LEPROTL1: variants seen among roughly 807,000 people sequenced by gnomAD.
LEPROTL1 encodes the protein leptin receptor overlapping transcript like 1.
A neutral mutation model predicts 15.4 loss-of-function variants in LEPROTL1; 6 were observed. That is an observed-to-expected ratio of 0.39 (90% CI 0.21 to 0.77). The LOEUF is 0.77. Among genes scored for constraint, LEPROTL1 ranks in the 30% least tolerant of loss-of-function variants. LEPROTL1 has a pLI of 0.41. For synonymous variants in LEPROTL1, 56 were observed against 52.6 expected (o/e 1.06, Z -0.28); for missense variants, 128 against 158.1 (o/e 0.81, Z 1.02).
chr8:30,138,318 A>G, downstream of LEPROTL1: 1 of 480,280 alleles, frequency 2.1e-6, no homozygotes, highest in Non-Finnish European at 3.8e-6. Context: ...TTACACTAAC[A>G]TTCACAACAA....
intron 3 of LEPROTL1, among the ~76,000 whole-genome samples, chr8:30,131,278 G>GTA (rs376348977): frequency 0.18 from 16,817 of 94,710 alleles, 1,014 homozygotes; most frequent in South Asian, 0.27. Context: ...ATATGTGTGT[G>GTA]TATATATATA....
chr8:30,135,683 G>A (rs13269187), intron 4 of LEPROTL1, among the ~76,000 whole-genome samples: 116,630 of 151,992 alleles, frequency 0.77, 47,202 homozygotes, highest in Middle Eastern at 0.91. Flanking sequence ...CTGAGGTGAG[G>A]TGGGCTGATC....
rs1803113408 is a variant in LEPROTL1, at chr8:30,135,153, A to G, written c.395-2119A>G. The stretch of plus-strand genomic sequence containing the variant: ...GTGATCCACCCACCTCAGCCTCCCA[A>G]AGGGCTGGGATTATAGGCGTGAGCC... On this transcript the variant is annotated intron_variant, in intron 4 of 4. Transcript: ENST00000442880. 2.0e-5 allele frequency among the ~76,000 whole-genome samples: 3 copies of G among 151,838 alleles called. No homozygotes were observed. The South Asian group carries it at 6.2e-4, about 31-fold the overall frequency.
chr8:30,105,785 A>G lies in LEPROTL1; in HGVS notation c.319A>G (p.Thr107Ala), dbSNP rs1802555142. 4 of 1,590,674 alleles carry G rather than the reference A, an allele frequency of 2.5e-6. No homozygotes were observed. Among genetic ancestry groups the G allele is most frequent in the Non-Finnish European group, 2.6e-6 (3 of 1,167,476 alleles). The change falls in exon 4 of 4, where the codon ACA becomes GCA. Residue 107 changes from threonine (T) to alanine (A), a missense_variant. By Grantham distance (58) the Thr-to-Ala change is moderately conservative (BLOSUM62 0). Transcript: ENST00000321250. ...TTGTGCACTTGTTCTCACAGGAAAC[A>G]CAGTCATCTTTGCAACTATACTAGG... Reference protein sequence around the residue: ...GACALVLTGNTVIFATILGFF... With the variant: ...GACALVLTGNAVIFATILGFF...
intron 3 of LEPROTL1, among the ~76,000 whole-genome samples, chr8:30,117,170 A>C (rs1802754984): frequency 6.6e-6 from 1 of 152,180 alleles, no homozygotes; most frequent in East Asian, 1.9e-4. Context: ...TCATCGCTTT[A>C]CTAATTATGG....
chr8:30,109,006 C>T (rs1802615099), downstream of LEPROTL1, among the ~76,000 whole-genome samples: 1 of 152,006 alleles, frequency 6.6e-6, no homozygotes, highest in Non-Finnish European at 1.5e-5. Flanking sequence ...CTCAAGCCAT[C>T]ACCACCACAA....
At chr8:30,098,024 C>T (rs1162265753) in intron 1 of LEPROTL1, among the ~76,000 whole-genome samples, 4 of 151,994 alleles carry the variant, frequency 2.6e-5, no homozygotes, top group Non-Finnish European at 5.9e-5. Flanking sequence ...TTCAGAGGCC[C>T]TCATGGTCCT....
intron 3 of LEPROTL1, among the ~76,000 whole-genome samples, chr8:30,115,711 C>T (rs1374301904): frequency 1.3e-5 from 2 of 151,758 alleles, no homozygotes; most frequent in African/African-American, 4.8e-5. Context: ...CTGTAAGTGG[C>T]AAATAAAGAA....
chr8:30,127,174 T>G (rs1563219015), intron 3 of LEPROTL1, among the ~76,000 whole-genome samples: 1 of 152,254 alleles, frequency 6.6e-6, no homozygotes, highest in Non-Finnish European at 1.5e-5. Context: ...GAAAGGCTAA[T>G]GCTATAGCTT....
At chr8:30,123,350 A>G (rs1345288740) in intron 3 of LEPROTL1, among the ~76,000 whole-genome samples, 1 of 152,238 alleles carries the variant, frequency 6.6e-6, no homozygotes, top group African/African-American at 2.4e-5. Context: ...TGTTAATGTT[A>G]CATTGTAAGA....
At chr8:30,130,621 C>T (rs1802989295) in intron 3 of LEPROTL1, among the ~76,000 whole-genome samples, 1 of 151,992 alleles carries the variant, frequency 6.6e-6, no homozygotes, top group Admixed American at 6.6e-5. Flanking sequence ...TGTTTACTTC[C>T]TGTTATTGAT....
At chr8:30,137,276 G>A (rs1307521031) in exon 5 of LEPROTL1, 2 of 1,551,230 alleles carry the variant, frequency 1.3e-6, no homozygotes, top group Non-Finnish European at 1.7e-6. Flanking sequence ...TTCTAGATGG[G>A]GCGCCTACCC....
intron 3 of LEPROTL1, among the ~76,000 whole-genome samples, chr8:30,118,019 G>GTTT (rs34271690): frequency 3.7e-4 from 10 of 26,770 alleles, no homozygotes; most frequent in African/African-American, 1.2e-3. Context: ...TTTTTGATTT[G>GTTT]TTTTTTTTTT....
chr8:30,098,228 A>T (rs1285963620), intron 1 of LEPROTL1, among the ~76,000 whole-genome samples: 1 of 152,218 alleles, frequency 6.6e-6, no homozygotes, highest in Non-Finnish European at 1.5e-5. Context: ...CAAGGTATAT[A>T]GGTAATAGTG....
At chr8:30,110,995 A>G (rs1332580801), downstream of LEPROTL1, among the ~76,000 whole-genome samples, 1 of 152,240 alleles carries the variant, frequency 6.6e-6, no homozygotes, top group East Asian at 1.9e-4. Context: ...CATAAAAGTA[A>G]ATGAACTTGT....
chr8:30,118,032 T>G (rs1258260080), intron 3 of LEPROTL1, among the ~76,000 whole-genome samples: 12 of 144,682 alleles, frequency 8.3e-5, no homozygotes, highest in African/African-American at 2.0e-4. Context: ...TTTTTTTTTT[T>G]TTTTTTTTTT....
chr8:30,126,974 A>G (rs1182520972), intron 3 of LEPROTL1, among the ~76,000 whole-genome samples: 1 of 151,970 alleles, frequency 6.6e-6, no homozygotes, highest in Admixed American at 6.6e-5. Context: ...CAGGAGGCGG[A>G]GGTTGCAGTG....
chr8:30,110,896 A>G (rs1032518377), downstream of LEPROTL1, among the ~76,000 whole-genome samples: 3 of 152,212 alleles, frequency 2.0e-5, no homozygotes, highest in Non-Finnish European at 4.4e-5. Context: ...TTATCTTGAT[A>G]TATAGTGTGT....
intron 3 of LEPROTL1, among the ~76,000 whole-genome samples, chr8:30,130,977 A>G (rs2117528952): frequency 6.6e-6 from 1 of 151,726 alleles, no homozygotes; most frequent in South Asian, 2.1e-4. Context: ...ACGGGGTTTC[A>G]CCATATTGGC....
Sources: gnomAD v4.1 joint callset for allele counts (sites outside exome capture counted in the v4.1 genomes callset) on GRCh38, gnomAD v4.1.1 for gene constraint, MANE v1.5 for transcripts, NCBI Gene and HGNC (gene_info 2026-07-23, HGNC 2026-07-21) for gene names.